UBXN4: variants seen among roughly 807,000 people sequenced by gnomAD.
UBXN4 encodes UBX domain-containing protein 4.
A neutral mutation model predicts 66.2 loss-of-function variants in UBXN4; 35 were observed. The ratio of observed to expected loss-of-function variants is 0.53; its 90% CI spans 0.40 to 0.70. The LOEUF (loss-of-function observed/expected upper bound fraction) is 0.70. UBXN4 is among the 30% of genes least tolerant of loss of function. The pLI, the probability that UBXN4 is intolerant of heterozygous loss-of-function variation, is 0.00. For missense variants in UBXN4, 533 were observed against 599.8 expected (o/e 0.89, Z 1.16); for synonymous variants, 203 against 204.5 (o/e 0.99, Z 0.06).
rs772464212 is a variant in UBXN4, at chr2:135,782,901, A to G, written c.*14A>G. 17 of 1,601,150 alleles carry G rather than the reference A, an allele frequency of 1.1e-5. No individual in the cohort carries two copies. In the East Asian group the frequency reaches 3.6e-4, roughly 34 times the overall value. ...CAACAGATGTAGTGTGACAAGTATA[A>G]TATGTGCAATAATCATTGTTTCTCT... On this transcript the variant is annotated 3_prime_UTR_variant, in exon 13 of 13. Coordinates refer to ENST00000272638, the MANE Select transcript of UBXN4 (RefSeq NM_014607.4).
chr2:135,748,394 T>C, intron 2 of UBXN4, 25 bp downstream of exon 2: 2 of 1,473,986 alleles, frequency 1.4e-6, no homozygotes, highest in South Asian at 1.3e-5. Context: ...TAATATTTTA[T>C]TAATTTTAAA....
At chr2:135,763,934 G>A (rs781742006) in intron 6 of UBXN4, among the ~76,000 whole-genome samples, 1 of 152,100 alleles carries the variant, frequency 6.6e-6, no homozygotes, top group Non-Finnish European at 1.5e-5. Context: ...AGACCAGCCT[G>A]GCCAACGTGG....
intron 6 of UBXN4, 95 bp downstream of exon 6, chr2:135,762,006 G>T: frequency 7.9e-7 from 1 of 1,271,864 alleles, no homozygotes. Flanking sequence ...TTATACAAAT[G>T]AAGTTTTAGA....
In UBXN4 at chr2:135,777,064, A is replaced by G. The variant is rs77736165; in HGVS notation, c.1053+713A>G. Among the ~76,000 whole-genome samples, 1,588 of 152,276 alleles carry G rather than the reference A, an allele frequency of 0.01. 98 individuals are homozygous for G. The East Asian group carries it at 0.19, about 18-fold the overall frequency. The stretch of plus-strand genomic sequence containing the variant: ...CTTAGGGGCTGGTCATTTTCCTACG[A>G]TTTACCTTTTGGCTAAGGAAAAAGA... On this transcript the variant is annotated intron_variant, in intron 10 of 12. Transcript: ENST00000272638.
Position 135,776,360 on chromosome 2 carries a change from A to G in UBXN4, c.1053+9A>G, listed in dbSNP as rs1312563850. On this transcript the variant is annotated intron_variant, in intron 10 of 12. Coordinates refer to ENST00000272638, the MANE Select transcript of UBXN4 (RefSeq NM_014607.4). Reference sequence around the variant, plus strand: ...GGCAGTTTGCTGCACAGGTAAATTTATGTCTTGAGTTGTAGTAAAAATAGA... The same window carrying G: ...GGCAGTTTGCTGCACAGGTAAATTTGTGTCTTGAGTTGTAGTAAAAATAGA... 3.1e-6 allele frequency: 5 copies of G among 1,604,232 alleles called. No homozygotes were observed. Among genetic ancestry groups the G allele is most frequent in the Non-Finnish European group, 1.7e-6 (2 of 1,173,840 alleles).
intron 6 of UBXN4, among the ~76,000 whole-genome samples, chr2:135,767,955 G>A (rs751345188): frequency 6.6e-6 from 1 of 151,706 alleles, no homozygotes; most frequent in Non-Finnish European, 1.5e-5. Context: ...TTGACTTGTT[G>A]GAATCCCCTT....
rs748163394 is a variant in UBXN4 at position 135,782,812 on chromosome 2, T to G, written c.1452T>G (p.Ile484Met). Residue 484 changes from isoleucine to methionine, a missense_variant, in exon 13 of 13, where the codon ATT (isoleucine) becomes ATG (methionine). By Grantham distance (10) the Ile-to-Met change is conservative. Around this residue, in one of 2 missense-constraint regions of UBXN4, gnomAD observed 529 missense variants for 580.1 expected, o/e 0.91. Coordinates refer to ENST00000272638, the MANE Select transcript of UBXN4 (RefSeq NM_014607.4). ...RGDDFKKEGK[I>M]YRLRTQDDGE... Reference sequence around the variant, plus strand: ...ACGACTTTAAAAAGGAGGGGAAAATTTATAGATTAAGGACTCAAGATGATG... The same window carrying G: ...ACGACTTTAAAAAGGAGGGGAAAATGTATAGATTAAGGACTCAAGATGATG... The G allele has an allele frequency of 3.7e-6, 6 of 1,613,894 alleles. No individual in the cohort carries two copies. Among genetic ancestry groups the G allele is most frequent in the South Asian group, 1.1e-5 (1 of 91,054 alleles).
chr2:135,769,652 T>C (rs1049858178), intron 6 of UBXN4, 117 bp from the exon 7 acceptor site: 1 of 774,562 alleles, frequency 1.3e-6, no homozygotes, highest in Non-Finnish European at 1.9e-6. Flanking sequence ...GTTGCTTGCT[T>C]TTTGTTTGTT....
At chr2:135,765,635 T>C (rs2105502006) in intron 6 of UBXN4, among the ~76,000 whole-genome samples, 1 of 151,898 alleles carries the variant, frequency 6.6e-6, no homozygotes, top group Non-Finnish European at 1.5e-5. Flanking sequence ...AATGGCCATC[T>C]TTTAATTTTT....
rs2077468939 is a variant in UBXN4 at position 135,783,969 on chromosome 2, T to G, written c.*1082T>G. 6.6e-6 allele frequency: 1 copy of G among 152,204 alleles called. No individual in the cohort carries two copies. The highest frequency in any genetic ancestry group is 6.5e-5 in the Admixed American group (1 of 15,292). 9.4% of individuals were successfully genotyped at this position (152,204 alleles called of 1,614,324 possible). ...CTCTAGAGTGGACATACGGAAAGACTGTGACTTTATTTTGTAATGGGAGGA... is the reference window on the plus strand; with the variant it reads ...CTCTAGAGTGGACATACGGAAAGACGGTGACTTTATTTTGTAATGGGAGGA... On this transcript the variant is annotated 3_prime_UTR_variant, in exon 13 of 13. Transcript: ENST00000272638.
chr2:135,757,327 G>C (rs937993008), intron 5 of UBXN4, among the ~76,000 whole-genome samples: 2 of 152,066 alleles, frequency 1.3e-5, no homozygotes, highest in African/African-American at 4.8e-5. Context: ...ACATTTTTTA[G>C]TTGTAGGATT....
At chr2:135,778,654 T>C (rs2077432268) in intron 10 of UBXN4, among the ~76,000 whole-genome samples, 1 of 152,232 alleles carries the variant, frequency 6.6e-6, no homozygotes, top group Non-Finnish European at 1.5e-5. Flanking sequence ...GCAACAGTAC[T>C]TAAAGGAGAT....
At chr2:135,745,875 C>CTTTTTTTTTTATTTTTTTTTT (rs2077204473) in intron 1 of UBXN4, among the ~76,000 whole-genome samples, 1 of 74,398 alleles carries the variant, frequency 1.3e-5, no homozygotes, top group Non-Finnish European at 2.3e-5. Context: ...GTCCCGTTTA[C>CTTTTTTTTTTATTTTTTTTTT]TTTTTTTTTT....
chr2:135,779,593 A>T (rs2105509948), intron 11 of UBXN4, among the ~76,000 whole-genome samples: 1 of 152,130 alleles, frequency 6.6e-6, no homozygotes, highest in Non-Finnish European at 1.5e-5. Flanking sequence ...TCTATACTAG[A>T]CGTGCCCTCC....
At chr2:135,777,960 G>A (rs371596948) in intron 10 of UBXN4, among the ~76,000 whole-genome samples, 11 of 150,944 alleles carry the variant, frequency 7.3e-5, no homozygotes, top group African/African-American at 2.2e-4. Flanking sequence ...GGTGGATCAC[G>A]AGGTCAGGAG....
intron 11 of UBXN4, among the ~76,000 whole-genome samples, chr2:135,779,802 A>T (rs909229817): frequency 6.8e-6 from 1 of 148,060 alleles, no homozygotes; most frequent in Non-Finnish European, 1.5e-5. Flanking sequence ...TAAAATTACA[A>T]TTGTATATAT....
Position 135,772,488 on chromosome 2 carries a change from C to T in UBXN4, c.891C>T (p.Ala297=), listed in dbSNP as rs766575484. ...AAGTAGAGGCTGCCAAAGCTGCTGC[C>T]TTGCTAGCAAAACAGGCAGAAATGG... is the stretch of plus-strand genomic sequence containing the variant. ...KEEVEAAKAA[A]LLAKQAEMEV... is the part of the protein sequence containing the mutation. The change falls in exon 9 of 13, where the codon GCC becomes GCT. Residue 297 remains alanine, a synonymous_variant. Coordinates refer to ENST00000272638, the MANE Select transcript of UBXN4 (RefSeq NM_014607.4). 1 of 1,614,112 alleles carries T rather than the reference C, an allele frequency of 6.2e-7. No individual in the cohort carries two copies. The highest frequency in any genetic ancestry group is 8.5e-7 in the Non-Finnish European group (1 of 1,179,976).
Position 135,780,198 on chromosome 2 carries a change from G to A in UBXN4, c.1201G>A (p.Ala401Thr). Residue 401 changes from alanine to threonine, a missense_variant, in exon 12 of 13, where the codon GCA becomes ACA. Coordinates refer to ENST00000272638, the MANE Select transcript of UBXN4 (RefSeq NM_014607.4). ...TAATTTCTAGGCAGGAAGACCAACTGCATCCATTGTACACTCTTCCAGCGG... is the reference window on the plus strand; with the variant it reads ...TAATTTCTAGGCAGGAAGACCAACTACATCCATTGTACACTCTTCCAGCGG... ...VVLLPAGRPTASIVHSSSGDI... is the reference protein window; with the variant it reads ...VVLLPAGRPTTSIVHSSSGDI... The A allele has an allele frequency of 6.2e-7, 1 of 1,614,036 alleles. No individual in the cohort carries two copies. Among genetic ancestry groups the A allele is most frequent in the East Asian group, 2.2e-5 (1 of 44,870 alleles).
chr2:135,769,704 C>A, intron 6 of UBXN4, 65 bp from the exon 7 acceptor site: 1 of 1,217,948 alleles, frequency 8.2e-7, no homozygotes, highest in African/African-American at 1.6e-5. Flanking sequence ...AATCCATCTC[C>A]TAAATGTGTT....
Sources: allele counts gnomAD v4.1 joint callset (sites outside exome capture counted in the v4.1 genomes callset), GRCh38; gene constraint gnomAD v4.1.1; regional missense constraint gnomAD v4.1.1; transcripts MANE v1.5; gene names NCBI Gene and HGNC (gene_info 2026-07-23, HGNC 2026-07-21).